The following KCNH1 variants were observed in gnomAD, a reference collection of about 807,000 sequenced individuals.
KCNH1 encodes voltage-gated delayed rectifier potassium channel KCNH1.
Under a neutral mutation model 69.2 loss-of-function variants are expected in KCNH1, and 27 were observed. The observed-to-expected ratio is 0.39, with a 90% confidence interval of 0.29 to 0.54. The LOEUF (loss-of-function observed/expected upper bound fraction) is 0.54. KCNH1 is among the 20% of genes least tolerant of loss of function. KCNH1 has a pLI of 0.68. For synonymous variants in KCNH1, 456 were observed against 487.7 expected, an observed-to-expected ratio of 0.93 and a Z score of 0.86; for missense variants, 798 against 1,261.6, an observed-to-expected ratio of 0.63 and a Z score of 5.57.
At position 210,879,490 on chromosome 1, in the gene KCNH1, G is replaced by A. The variant is rs372824414; in HGVS notation, c.1462+40150C>T. Among the ~76,000 whole-genome samples, 11 of 151,916 alleles carry A rather than the reference G, an allele frequency of 7.2e-5. No homozygotes were observed. In the East Asian group the frequency reaches 1.2e-3, roughly 16 times the overall value. On this transcript the variant is annotated intron_variant, in intron 7 of 10. Transcript: ENST00000271751. ...TTAATGCAATCTGTTGCATCAACAA[G>A]CTAAAAATGAAAAATCACATGATTA...
At chr1:210,700,524 C>G (rs552625301) in intron 10 of KCNH1, among the ~76,000 whole-genome samples, 29 of 152,250 alleles carry the variant, frequency 1.9e-4, no homozygotes, top group African/African-American at 5.3e-4. Flanking sequence ...ACCCTGTATT[C>G]TCTTTGTCTT....
At position 210,718,651 on chromosome 1, in the gene KCNH1, TACACACAC is replaced by T. The variant is rs57407331; in HGVS notation, c.2113-34521_2113-34514del. On this transcript the variant is annotated intron_variant, in intron 10 of 10. Transcript: ENST00000271751. ...ATAAATATATATATACATATATATA[TACACACAC>T]ACACACACACACACACACACACACA... 7.2e-3 allele frequency among the ~76,000 whole-genome samples: 542 copies of T among 75,554 alleles called. 56 individuals carry two copies. Among genetic ancestry groups the T allele is most frequent in the African/African-American group, 0.017 (364 of 21,290 alleles). The allele number at this position is 75,554 out of a possible 152,430, so 49.6% of individuals were successfully genotyped here.
At chr1:210,808,539 C>T (rs1357099432) in intron 7 of KCNH1, among the ~76,000 whole-genome samples, 2 of 151,912 alleles carry the variant, frequency 1.3e-5, no homozygotes, top group Non-Finnish European at 2.9e-5. Flanking sequence ...CTCAATGCCC[C>T]TTCCTTAATT....
chr1:210,944,324 T>A (rs1470672646), intron 6 of KCNH1, among the ~76,000 whole-genome samples: 3 of 152,242 alleles, frequency 2.0e-5, no homozygotes, highest in African/African-American at 7.2e-5. Context: ...ATCCCTTTCC[T>A]GGTGATACTA....
chr1:211,080,803 T>C (rs1297796546), intron 5 of KCNH1, among the ~76,000 whole-genome samples: 2 of 152,150 alleles, frequency 1.3e-5, no homozygotes, highest in African/African-American at 4.8e-5. Context: ...TTACACCTTA[T>C]ACAAACATTA....
At chr1:210,956,777 A>G (rs1174354525) in intron 6 of KCNH1, among the ~76,000 whole-genome samples, 1 of 151,306 alleles carries the variant, frequency 6.6e-6, no homozygotes, top group Non-Finnish European at 1.5e-5. Context: ...TTCATTTTTT[A>G]TTGTGTCTAT....
At chr1:210,845,376 C>A (rs1289533386) in intron 7 of KCNH1, among the ~76,000 whole-genome samples, 1,829 of 113,218 alleles carry the variant, frequency 0.016, no homozygotes, top group South Asian at 0.021. Flanking sequence ...AAAGCTTATC[C>A]ACCATGATCA....
At chr1:210,883,444 A>G (rs1019014499) in intron 7 of KCNH1, among the ~76,000 whole-genome samples, 6 of 152,210 alleles carry the variant, frequency 3.9e-5, no homozygotes, top group African/African-American at 1.4e-4. Flanking sequence ...CAAAGCATGT[A>G]TCCTAACAAT....
chr1:211,003,422 A>G (rs1035014211), intron 6 of KCNH1, among the ~76,000 whole-genome samples: 1 of 152,210 alleles, frequency 6.6e-6, no homozygotes, highest in Non-Finnish European at 1.5e-5. Context: ...CTCTGCTTCT[A>G]GCTATTAGTA....
intron 1 of KCNH1, among the ~76,000 whole-genome samples, chr1:211,130,299 C>A (rs1227437151): frequency 6.6e-6 from 1 of 152,196 alleles, no homozygotes; most frequent in African/African-American, 2.4e-5. Flanking sequence ...ATTATCAAAT[C>A]TTTCCTTAAA....
chr1:210,952,943 T>C (rs1462691368), intron 6 of KCNH1, among the ~76,000 whole-genome samples: 3 of 152,220 alleles, frequency 2.0e-5, no homozygotes, highest in Non-Finnish European at 4.4e-5. Context: ...ATTTGGTTGG[T>C]TAATTGGTTG....
At chr1:210,993,498 A>G (rs1193909701) in intron 6 of KCNH1, among the ~76,000 whole-genome samples, 3 of 152,186 alleles carry the variant, frequency 2.0e-5, no homozygotes, top group Non-Finnish European at 2.9e-5. Context: ...TTGATTGTCA[A>G]TACTCTCTTC....
chr1:210,700,540 T>C (rs1574191121), intron 10 of KCNH1, among the ~76,000 whole-genome samples: 1 of 152,358 alleles, frequency 6.6e-6, no homozygotes, highest in East Asian at 1.9e-4. Context: ...GTCTTTTTCT[T>C]ATTGATTTGT....
rs143185465 is a variant in KCNH1 at position 210,702,014 on chromosome 1, T to C, written c.2113-17876A>G. 3.6e-3 allele frequency among the ~76,000 whole-genome samples: 543 copies of C among 152,354 alleles called. 9 individuals are homozygous for C. Among genetic ancestry groups the C allele is most frequent in the African/African-American group, 0.013 (526 of 41,588 alleles). On this transcript the variant is annotated intron_variant, in intron 10 of 10. Transcript: ENST00000271751. ...CACACTTGAATAATAATTTGGGGCA[T>C]GGAACTCTTGGCTGAAATTCATTTT...
chr1:211,021,791 T>C (rs935502250), intron 5 of KCNH1, among the ~76,000 whole-genome samples: 1 of 151,900 alleles, frequency 6.6e-6, no homozygotes, highest in South Asian at 2.1e-4. Context: ...AAGAAAAATC[T>C]CTACAAATAA....
chr1:210,914,074 C>T (rs929064719), intron 7 of KCNH1, among the ~76,000 whole-genome samples: 6 of 152,184 alleles, frequency 3.9e-5, no homozygotes, highest in East Asian at 1.9e-4. Flanking sequence ...TCTCTGACAA[C>T]TGCAGAGTAG....
At chr1:210,890,837 T>G (rs982415087) in intron 7 of KCNH1, among the ~76,000 whole-genome samples, 2 of 152,008 alleles carry the variant, frequency 1.3e-5, no homozygotes, top group Non-Finnish European at 2.9e-5. Context: ...AAAACCACAA[T>G]GAGATACCAT....
At chr1:211,015,565 G>A (rs1314040759) in intron 6 of KCNH1, among the ~76,000 whole-genome samples, 1 of 152,102 alleles carries the variant, frequency 6.6e-6, no homozygotes, top group Non-Finnish European at 1.5e-5. Context: ...CACGGTGCTA[G>A]GACTCTTGTT....
chr1:211,007,221 A>G (rs373707323), intron 6 of KCNH1, among the ~76,000 whole-genome samples: 1 of 152,218 alleles, frequency 6.6e-6, no homozygotes, highest in Non-Finnish European at 1.5e-5. Context: ...GTTAACATTT[A>G]TAGACTCCAG....
Sources: gnomAD v4.1 joint callset for allele counts (sites outside exome capture counted in the v4.1 genomes callset) on GRCh38, gnomAD v4.1.1 for gene constraint, MANE v1.5 for transcripts, NCBI Gene and HGNC (gene_info 2026-07-23, HGNC 2026-07-21) for gene names.